The following AFAP1 variants were observed in gnomAD, a reference collection of about 807,000 sequenced individuals.
The protein encoded by AFAP1 is actin filament associated protein 1.
A neutral mutation model predicts 93.9 loss-of-function variants in AFAP1; 75 were observed. The ratio of observed to expected loss-of-function variants is 0.80; its 90% CI spans 0.66 to 0.97. The LOEUF (loss-of-function observed/expected upper bound fraction) is 0.97. Among genes scored for constraint, AFAP1 ranks in the 50% least tolerant of loss-of-function variants. The pLI, the probability that AFAP1 is intolerant of heterozygous loss-of-function variation, is 0.00. For missense variants in AFAP1, 1,201 were observed against 1,050.8 expected (o/e 1.14, Z -1.98); for synonymous variants, 517 against 430.7 (o/e 1.20, Z -2.48).
chr4:7,844,111 G>A (rs768448311), intron 4 of AFAP1, among the ~76,000 whole-genome samples: 6 of 152,164 alleles, frequency 3.9e-5, no homozygotes, highest in Non-Finnish European at 7.4e-5. Context: ...AACCCTCCCT[G>A]AATCACCAAA....
At chr4:7,860,591 G>A (rs1177634278) in intron 3 of AFAP1, among the ~76,000 whole-genome samples, 4 of 152,132 alleles carry the variant, frequency 2.6e-5, no homozygotes, top group African/African-American at 4.8e-5. Context: ...TGAGGAAACT[G>A]AGGCTCAAGA....
At chr4:7,814,510 A>T (rs116177828) in intron 8 of AFAP1, among the ~76,000 whole-genome samples, 1,558 of 152,320 alleles carry the variant, frequency 0.01, 32 homozygotes, top group African/African-American at 0.033. Flanking sequence ...TCCAAAGTGG[A>T]AACAGCTCAA....
intron 3 of AFAP1, among the ~76,000 whole-genome samples, chr4:7,858,184 G>A (rs960698003): frequency 9.2e-5 from 14 of 152,246 alleles, no homozygotes; most frequent in African/African-American, 3.4e-4. Context: ...GGTGTACTAT[G>A]ATCCCTTTAC....
At chr4:7,868,282 G>C (rs958891359) in intron 3 of AFAP1, among the ~76,000 whole-genome samples, 3 of 152,070 alleles carry the variant, frequency 2.0e-5, no homozygotes, top group African/African-American at 7.2e-5. Context: ...AGTCCACAAG[G>C]TCTACAGATA....
intron 9 of AFAP1, among the ~76,000 whole-genome samples, chr4:7,805,480 T>C (rs1287619875): frequency 1.3e-5 from 2 of 152,146 alleles, no homozygotes; most frequent in Non-Finnish European, 2.9e-5. Flanking sequence ...GTGATGTTTT[T>C]AAAAAACATG....
chr4:7,813,527 A>G (rs550618897), intron 8 of AFAP1, among the ~76,000 whole-genome samples: 33 of 152,348 alleles, frequency 2.2e-4, no homozygotes, highest in African/African-American at 7.7e-4. Flanking sequence ...CACTGGGAGA[A>G]GAAACAGCAA....
At position 7,821,942 on chromosome 4, in the gene AFAP1, T is replaced by A. The variant is rs573522519; in HGVS notation, c.727-2771A>T. Among the ~76,000 whole-genome samples the A allele has an allele frequency of 6.6e-5, 10 of 152,330 alleles. No homozygotes were observed. In the South Asian group the frequency reaches 2.1e-3, roughly 32 times the overall value. Reference sequence around the variant, plus strand: ...GAAACCCAGAGAGCTCGCTGTCATATCTCCTCTTTGCTAATGCCGAGGTGT... The same window carrying A: ...GAAACCCAGAGAGCTCGCTGTCATAACTCCTCTTTGCTAATGCCGAGGTGT... On this transcript the variant is annotated intron_variant, in intron 6 of 17. Coordinates refer to ENST00000420658, the MANE Select transcript of AFAP1 (RefSeq NM_001134647.2).
At chr4:7,914,393 A>G (rs894852205) in intron 1 of AFAP1, among the ~76,000 whole-genome samples, 7 of 152,228 alleles carry the variant, frequency 4.6e-5, no homozygotes, top group Non-Finnish European at 8.8e-5. Context: ...ATAAGAGAAC[A>G]TGCGGTGTTT....
intron 8 of AFAP1, among the ~76,000 whole-genome samples, chr4:7,815,089 A>G (rs940437640): frequency 5.9e-5 from 9 of 152,268 alleles, no homozygotes; most frequent in Admixed American, 5.2e-4. Flanking sequence ...AAGGAAAGAA[A>G]TTCTGACACA....
chr4:7,868,950 G>A (rs1373657400), intron 2 of AFAP1, among the ~76,000 whole-genome samples: 1 of 145,918 alleles, frequency 6.9e-6, no homozygotes, highest in South Asian at 2.2e-4. Context: ...AAAGAGAAAG[G>A]GAAAGGGAAA....
In AFAP1 at chr4:7,939,267, G is replaced by A. The variant is rs577930008; in HGVS notation, c.-3+389C>T. ...GTCGGACGAAGCAGTCTCGCTACGG[G>A]GGAGGGCGGCGGAGCCTCCCACTCT... is the stretch of plus-strand genomic sequence containing the variant. On this transcript the variant is annotated intron_variant, in intron 1 of 17. Transcript: ENST00000420658. The surrounding 1 kb of genome is among the most constrained non-coding windows in gnomAD (Gnocchi z 5.6). 1.5e-4 allele frequency: 47 copies of A among 309,510 alleles called. No individual in the cohort carries two copies. Among genetic ancestry groups the A allele is most frequent in the South Asian group, 1.1e-3 (44 of 41,056 alleles). The allele number at this position is 309,510 out of a possible 1,614,324, so 19.2% of individuals were successfully genotyped here.
chr4:7,896,835 C>A (rs1460467172), intron 1 of AFAP1, among the ~76,000 whole-genome samples: 1 of 150,748 alleles, frequency 6.6e-6, no homozygotes, highest in Non-Finnish European at 1.5e-5. Flanking sequence ...TTCCCCCACA[C>A]CCAATGCTCA....
At chr4:7,896,443 C>CT (rs1718772298) in intron 1 of AFAP1, among the ~76,000 whole-genome samples, 1 of 152,038 alleles carries the variant, frequency 6.6e-6, no homozygotes, top group African/African-American at 2.4e-5. Flanking sequence ...TGCCTACTCC[C>CT]TCCCCAACCC....
intron 3 of AFAP1, among the ~76,000 whole-genome samples, chr4:7,855,905 AG>A (rs2149143099): frequency 6.6e-6 from 1 of 152,260 alleles, no homozygotes; most frequent in South Asian, 2.1e-4. Flanking sequence ...ATGCTGCCCC[AG>A]GGGTCTGAGA....
At position 7,759,052 on chromosome 4, in the gene AFAP1, T is replaced by C. The variant is rs540886241; in HGVS notation, c.*4713A>G. The stretch of plus-strand genomic sequence containing the variant: ...AAATATGACTTTAGCTTTTAAAAAA[T>C]ACAATAAGGAAATAATTACATTCTT... On this transcript the variant is annotated 3_prime_UTR_variant, in exon 18 of 18. Transcript: ENST00000420658. The C allele has an allele frequency of 6.6e-4, 101 of 152,766 alleles. No homozygotes were observed. Among genetic ancestry groups the C allele is most frequent in the African/African-American group, 2.2e-3 (92 of 41,588 alleles). 9.5% of individuals were successfully genotyped at this position (152,766 alleles called of 1,614,324 possible).
intron 1 of AFAP1, among the ~76,000 whole-genome samples, chr4:7,894,985 G>T (rs1718684149): frequency 6.6e-6 from 1 of 152,232 alleles, no homozygotes; most frequent in Admixed American, 6.5e-5. Context: ...CAGACGGAGG[G>T]GCAGGTGGCA....
chr4:7,777,716 T>C (rs1054574605), intron 14 of AFAP1: 4 of 152,212 alleles, frequency 2.6e-5, no homozygotes, highest in Non-Finnish European at 5.9e-5. Flanking sequence ...AAACTCAACA[T>C]CTGCACCTAA....
At position 7,855,506 on chromosome 4, in the gene AFAP1, C is replaced by A; in HGVS notation, c.294G>T (p.Val98=). 6.2e-7 allele frequency: 1 copy of A among 1,613,730 alleles called. No homozygotes were observed. Among genetic ancestry groups the A allele is most frequent in the Non-Finnish European group, 8.5e-7 (1 of 1,179,818 alleles). Residue 98 remains valine (V), a synonymous_variant, in exon 4 of 18, where the codon GTG becomes GTT. Transcript: ENST00000420658. ...CCGGAGCTTTTCCGGGGCTCAGCGG[C>A]ACAGCTTCCTCATAATAACCTTCTG... is the stretch of plus-strand genomic sequence containing the variant. ...SLPEGYYEEA[V]PLSPGKAPEY... is the part of the protein sequence containing the mutation.
chr4:7,869,862 AC>A (rs1179967607), intron 2 of AFAP1, among the ~76,000 whole-genome samples: 2 of 152,144 alleles, frequency 1.3e-5, no homozygotes, highest in Non-Finnish European at 2.9e-5. Flanking sequence ...ACACACACAC[AC>A]AAAATCAATA....
Sources: gnomAD v4.1 joint callset for allele counts (sites outside exome capture counted in the v4.1 genomes callset) on GRCh38, gnomAD v4.1.1 for gene constraint, Gnocchi (gnomAD v3.1) non-coding constraint, MANE v1.5 for transcripts, NCBI Gene and HGNC (gene_info 2026-07-23, HGNC 2026-07-21) for gene names.